Variants in RBFOX1 observed in about 807,000 individuals in gnomAD.
RBFOX1 encodes RNA binding protein fox-1 homolog 1.
In RBFOX1, 8 loss-of-function variants were observed where a neutral mutation model predicts 57.7. The ratio of observed to expected loss-of-function variants is 0.14; its 90% confidence interval spans 0.08 to 0.25. The LOEUF (loss-of-function observed/expected upper bound fraction) is 0.25. Ranked by LOEUF, RBFOX1 falls within the 10% of genes least tolerant of loss-of-function variation. The pLI is 1.00. For synonymous variants in RBFOX1, 326 were observed against 222.4 expected (o/e 1.47, Z -4.15); for missense variants, 611 against 548.5 (o/e 1.11, Z -1.14).
chr16:5,929,315 CCT>C (rs112397291), intron 4 of RBFOX1, among the ~76,000 whole-genome samples: 1,850 of 146,458 alleles, frequency 0.013, 11 homozygotes, highest in Non-Finnish European at 0.018. Flanking sequence ...CAGTCTTAAG[CCT>C]CTCTCTCTCT....
At chr16:6,925,761 A>G (rs1384306820) in intron 3 of RBFOX1, among the ~76,000 whole-genome samples, 1 of 152,078 alleles carries the variant, frequency 6.6e-6, no homozygotes, top group Non-Finnish European at 1.5e-5. Context: ...AAAGAACGGG[A>G]AATCCCCCAG....
At chr16:5,553,359 G>A (rs548360187) in intron 2 of RBFOX1, among the ~76,000 whole-genome samples, 11 of 149,554 alleles carry the variant, frequency 7.4e-5, no homozygotes, top group Middle Eastern at 3.5e-3. Flanking sequence ...TCTTTTACCC[G>A]GGCCAGAGTG....
At chr16:6,269,798 G>GAAAAC (rs1315758550) in intron 1 of RBFOX1, among the ~76,000 whole-genome samples, 2 of 152,190 alleles carry the variant, frequency 1.3e-5, no homozygotes, top group African/African-American at 4.8e-5. Flanking sequence ...CAGCAAGGAG[G>GAAAAC]AAAACAAAAA....
chr16:7,535,984 A>C (rs978518658), intron 5 of RBFOX1, among the ~76,000 whole-genome samples: 1 of 152,222 alleles, frequency 6.6e-6, no homozygotes, highest in African/African-American at 2.4e-5. Context: ...TAAGACAGAC[A>C]TAGCTTCTCC....
At chr16:6,518,835 C>T (rs1364824505) in intron 2 of RBFOX1, among the ~76,000 whole-genome samples, 1 of 132,242 alleles carries the variant, frequency 7.6e-6, no homozygotes, top group Non-Finnish European at 1.6e-5. Flanking sequence ...ATCTATCTAT[C>T]TATCTATCTA....
At chr16:6,879,746 A>G (rs915381326) in intron 3 of RBFOX1, among the ~76,000 whole-genome samples, 4 of 152,208 alleles carry the variant, frequency 2.6e-5, no homozygotes, top group African/African-American at 9.6e-5. Flanking sequence ...ATCCTACTTA[A>G]CAGTGTTCCT....
At chr16:6,977,441 T>C (rs76255358) in intron 3 of RBFOX1, among the ~76,000 whole-genome samples, 1 of 152,050 alleles carries the variant, frequency 6.6e-6, no homozygotes, top group Non-Finnish European at 1.5e-5. Flanking sequence ...CCCTTAACCA[T>C]ACACATCTAG....
At chr16:6,976,851 T>C (rs1178396206) in intron 3 of RBFOX1, among the ~76,000 whole-genome samples, 1 of 88,636 alleles carries the variant, frequency 1.1e-5, no homozygotes, top group Admixed American at 1.5e-4. Flanking sequence ...ATATGATGTA[T>C]ATCACATATA....
At chr16:6,159,677 A>G (rs767070757) in intron 1 of RBFOX1, among the ~76,000 whole-genome samples, 17 of 152,206 alleles carry the variant, frequency 1.1e-4, no homozygotes, top group Non-Finnish European at 1.9e-4. Context: ...GTTAATATCA[A>G]GAAGTATGTA....
chr16:7,051,229 C>T (rs1812364102), intron 3 of RBFOX1, among the ~76,000 whole-genome samples: 1 of 152,180 alleles, frequency 6.6e-6, no homozygotes, highest in Admixed American at 6.5e-5. Flanking sequence ...CTCCTGATGA[C>T]AGAATGACCA....
intron 3 of RBFOX1, among the ~76,000 whole-genome samples, chr16:6,798,739 A>G (rs2084677709): frequency 6.6e-6 from 1 of 152,150 alleles, no homozygotes; most frequent in East Asian, 1.9e-4. Flanking sequence ...AATGAAAATA[A>G]CCCATGATAA....
In RBFOX1 at chr16:7,220,928, T is replaced by C. The variant is rs545595476; in HGVS notation, c.27+168830T>C. On this transcript the variant is annotated intron_variant, in intron 4 of 15. Transcript: ENST00000550418. Reference sequence around the variant, plus strand: ...CTATGGAATGGGTTCTTAGGAATTCTAAATGCATTTGCATTTCAAAGACTG... The same window carrying C: ...CTATGGAATGGGTTCTTAGGAATTCCAAATGCATTTGCATTTCAAAGACTG... 2.6e-5 allele frequency among the ~76,000 whole-genome samples: 4 copies of C among 152,238 alleles called. No homozygotes were observed. In the East Asian group the frequency reaches 5.8e-4, roughly 22 times the overall value.
At chr16:7,671,137 G>GT (rs1221670831) in intron 13 of RBFOX1, among the ~76,000 whole-genome samples, 2 of 152,130 alleles carry the variant, frequency 1.3e-5, no homozygotes, top group Non-Finnish European at 2.9e-5. Flanking sequence ...CTACTGTGCT[G>GT]TTTTCTTAAC....
At position 6,456,861 on chromosome 16, in the gene RBFOX1, T is replaced by C. The variant is rs74345800; in HGVS notation, c.-64+139804T>C. Reference sequence around the variant, plus strand: ...TTCTGGTACCTTCTAGTTGGATTCATGTACCATTTAATGAGATGGCAGAAT... The same window carrying C: ...TTCTGGTACCTTCTAGTTGGATTCACGTACCATTTAATGAGATGGCAGAAT... On this transcript the variant is annotated intron_variant, in intron 2 of 15. Coordinates refer to ENST00000550418, the MANE Select transcript of RBFOX1 (RefSeq NM_018723.4). 1.6e-4 allele frequency among the ~76,000 whole-genome samples: 25 copies of C among 152,338 alleles called. No individual in the cohort carries two copies. In the East Asian group the frequency reaches 4.6e-3, roughly 28 times the overall value.
intron 3 of RBFOX1, among the ~76,000 whole-genome samples, chr16:7,008,025 C>T (rs942735187): frequency 2.0e-5 from 3 of 152,120 alleles, no homozygotes; most frequent in African/African-American, 7.2e-5. Context: ...GTGTCTCTCA[C>T]CCAACTTAGC....
At chr16:6,595,697 T>C (rs2097770459) in intron 2 of RBFOX1, among the ~76,000 whole-genome samples, 1 of 152,214 alleles carries the variant, frequency 6.6e-6, no homozygotes, top group African/African-American at 2.4e-5. Context: ...GCTTCCCTTT[T>C]GTCCACATCG....
At chr16:7,472,330 G>A (rs1476538244) in intron 4 of RBFOX1, among the ~76,000 whole-genome samples, 1 of 151,506 alleles carries the variant, frequency 6.6e-6, no homozygotes, top group Non-Finnish European at 1.5e-5. Flanking sequence ...TAATTTGGAG[G>A]AGGGGATCTT....
intron 3 of RBFOX1, among the ~76,000 whole-genome samples, chr16:5,784,529 A>G (rs1196933510): frequency 6.6e-6 from 1 of 152,122 alleles, no homozygotes; most frequent in East Asian, 1.9e-4. Flanking sequence ...CATCTCTTGT[A>G]ATAACTCACT....
intron 1 of RBFOX1, among the ~76,000 whole-genome samples, chr16:6,083,191 T>A (rs773226130): frequency 1.3e-5 from 2 of 152,028 alleles, no homozygotes; most frequent in Non-Finnish European, 2.9e-5. Context: ...TTAGTGGAGA[T>A]GGGGTTTCAC....
Sources: allele counts gnomAD v4.1 joint callset (sites outside exome capture counted in the v4.1 genomes callset), GRCh38; gene constraint gnomAD v4.1.1; transcripts MANE v1.5; gene names NCBI Gene and HGNC (gene_info 2026-07-23, HGNC 2026-07-21).